The following SPNS2 variants were observed in gnomAD, a reference collection of about 807,000 sequenced individuals.
The protein encoded by SPNS2 is SPNS lysolipid transporter 2, sphingosine-1-phosphate, also known as sphingosine-1-phosphate transporter SPNS2.
Under a neutral mutation model 57.6 loss-of-function variants are expected in SPNS2, and 37 were observed. The observed-to-expected ratio is 0.64, with a 90% CI of 0.49 to 0.85. SPNS2 has a LOEUF of 0.85. Ranked by LOEUF, SPNS2 falls within the 40% of genes least tolerant of loss-of-function variation. SPNS2 has a pLI of 0.00. For missense variants in SPNS2, 831 were observed against 779.1 expected (o/e 1.07, Z -0.79); for synonymous variants, 440 against 346.9 (o/e 1.27, Z -2.98).
At position 4,499,654 on chromosome 17, in the gene SPNS2, A is replaced by C. The variant is rs1201412072; in HGVS notation, c.370+237A>C. ...GGGGCCAAGGGATAGAGGAGTCCCC[A>C]CCCCTGGAGCAGCCCGCGCGTCCTC... On this transcript the variant is annotated intron_variant, in intron 1 of 12. Transcript: ENST00000329078. The surrounding 1 kb of genome is among the most constrained non-coding windows in gnomAD (Gnocchi z 5.2). 1.1e-5 allele frequency: 4 copies of C among 367,094 alleles called. No homozygotes were observed. The highest frequency in any genetic ancestry group is 1.9e-5 in the Non-Finnish European group (4 of 205,880). The allele number at this position is 367,094 out of a possible 1,614,324, so 22.7% of individuals were successfully genotyped here. A position where few individuals can be genotyped will look rare whatever the true frequency, so the allele number is the denominator to read the frequency against.
intron 2 of SPNS2, among the ~76,000 whole-genome samples, chr17:4,515,795 T>TG (rs35545704): frequency 0.45 from 68,558 of 152,094 alleles, 16,941 homozygotes; most frequent in East Asian, 0.85. Context: ...TGCTTATTTG[T>TG]GGCACCAGGG....
chr17:4,531,878 A>C (rs1239370942), intron 5 of SPNS2, among the ~76,000 whole-genome samples: 3 of 152,206 alleles, frequency 2.0e-5, no homozygotes, highest in African/African-American at 7.2e-5. Context: ...AATGGGCTGG[A>C]AACGGGGAAG....
intron 2 of SPNS2, among the ~76,000 whole-genome samples, chr17:4,514,814 G>A (rs1904945463): frequency 6.6e-6 from 1 of 152,222 alleles, no homozygotes; most frequent in Non-Finnish European, 1.5e-5. Context: ...TGGAGTTCCA[G>A]CCACATGGGC....
chr17:4,508,887 GT>G (rs1349034184), intron 1 of SPNS2, among the ~76,000 whole-genome samples: 2 of 152,218 alleles, frequency 1.3e-5, no homozygotes, highest in African/African-American at 4.8e-5. Flanking sequence ...TCCAGGCACT[GT>G]CTCGGGGTCT....
rs1236453406 is a variant in SPNS2, at chr17:4,526,933, G to A, written c.573+1740G>A. ...GCCTGGTGGCCACAGTCAAAAATAA[G>A]GACTGGACCAGAGGCCTCTAGGGCC... On this transcript the variant is annotated intron_variant, in intron 3 of 12. Coordinates refer to ENST00000329078, the MANE Select transcript of SPNS2 (RefSeq NM_001124758.3). Among the ~76,000 whole-genome samples the A allele has an allele frequency of 2.0e-5, 3 of 152,210 alleles. 1 individual carries two copies. The East Asian group carries it at 5.8e-4, about 29-fold the overall frequency.
intron 9 of SPNS2, among the ~76,000 whole-genome samples, chr17:4,534,765 C>G (rs1597370897): frequency 6.6e-6 from 1 of 151,654 alleles, no homozygotes; most frequent in East Asian, 1.9e-4. Flanking sequence ...CAGCACGGAG[C>G]CAGGCGGTGG....
intron 2 of SPNS2, among the ~76,000 whole-genome samples, chr17:4,518,224 G>A (rs567549232): frequency 1.6e-4 from 24 of 152,316 alleles, no homozygotes; most frequent in African/African-American, 5.3e-4. Flanking sequence ...AGGGCAGTCC[G>A]TGTAAAATGT....
chr17:4,503,153 G>T (rs1370002584), intron 1 of SPNS2, among the ~76,000 whole-genome samples: 2 of 152,210 alleles, frequency 1.3e-5, no homozygotes, highest in Non-Finnish European at 2.9e-5. Flanking sequence ...CTTACCCAAG[G>T]TCACACGGGG....
intron 8 of SPNS2, 144 bp from the exon 9 acceptor site, chr17:4,533,644 T>A: frequency 9.3e-7 from 1 of 1,072,494 alleles, no homozygotes; most frequent in Non-Finnish European, 1.4e-6. Context: ...TTGAAGTCTC[T>A]GGATAGCCCA....
intron 2 of SPNS2, among the ~76,000 whole-genome samples, chr17:4,514,575 C>T (rs1055250622): frequency 3.3e-5 from 5 of 152,192 alleles, no homozygotes; most frequent in African/African-American, 1.2e-4. Context: ...TGAGACTTGA[C>T]TGTTCTAGGA....
chr17:4,524,979 C>T, intron 2 of SPNS2, 78 bp from the exon 3 acceptor site: 1 of 1,572,336 alleles, frequency 6.4e-7, no homozygotes, highest in Non-Finnish European at 8.7e-7. Flanking sequence ...GACTCTTGGC[C>T]CCAAGCCGGA....
At position 4,499,604 on chromosome 17, in the gene SPNS2, T is replaced by C. The variant is rs1904402212; in HGVS notation, c.370+187T>C. 4.8e-6 allele frequency: 2 copies of C among 416,796 alleles called. No homozygotes were observed. The highest frequency in any genetic ancestry group is 1.5e-4 in the South Asian group (2 of 13,240). The allele number at this position is 416,796 out of a possible 1,614,324, so 25.8% of individuals were successfully genotyped here. On this transcript the variant is annotated intron_variant, in intron 1 of 12. Transcript: ENST00000329078. The surrounding 1 kb of genome is among the most constrained non-coding windows in gnomAD (Gnocchi z 5.2). ...ATGCCTCCGTGCACCACGGGTACAA[T>C]CCAGCTCCCCGCTCATACACACCCG...
At chr17:4,520,669 G>T (rs1385755627) in intron 2 of SPNS2, among the ~76,000 whole-genome samples, 2 of 152,106 alleles carry the variant, frequency 1.3e-5, no homozygotes, top group Non-Finnish European at 2.9e-5. Flanking sequence ...AACTTTCCCT[G>T]ACCTTGGGAA....
rs1345519238 is a variant in SPNS2 at position 4,537,467 on chromosome 17, A to C, written c.*19A>C. 1 of 454,864 alleles carries C rather than the reference A, an allele frequency of 2.2e-6. No individual in the cohort carries two copies. Among genetic ancestry groups the C allele is most frequent in the South Asian group, 1.6e-5 (1 of 64,506 alleles). 28.2% of individuals were successfully genotyped at this position (454,864 alleles called of 1,614,324 possible). On this transcript the variant is annotated 3_prime_UTR_variant, in exon 13 of 13. Transcript: ENST00000329078. Reference sequence around the variant, plus strand: ...CCTTTCCCCAGGTGCCATTGGGACAATGAAGAACCCACACTCCCACCTCGT... The same window carrying C: ...CCTTTCCCCAGGTGCCATTGGGACACTGAAGAACCCACACTCCCACCTCGT...
At chr17:4,515,452 C>A (rs1904960721) in intron 2 of SPNS2, among the ~76,000 whole-genome samples, 1 of 152,136 alleles carries the variant, frequency 6.6e-6, no homozygotes, top group South Asian at 2.1e-4. Flanking sequence ...ATCTCAGTGT[C>A]CCCAGGGCGG....
chr17:4,530,871 C>G, intron 4 of SPNS2, 88 bp downstream of exon 4: 1 of 1,528,478 alleles, frequency 6.5e-7, no homozygotes, highest in South Asian at 1.2e-5. Context: ...GGGGTTCTAG[C>G]CCAGGCAGGC....
chr17:4,508,515 G>T (rs1904741192), intron 1 of SPNS2, among the ~76,000 whole-genome samples: 1 of 152,224 alleles, frequency 6.6e-6, no homozygotes, highest in African/African-American at 2.4e-5. Context: ...GTCCAGGGAG[G>T]TGAAAAGTCA....
chr17:4,533,920 TGGGGAGGGCGGGTGA>T, intron 9 of SPNS2, 67 bp downstream of exon 9: 1 of 938,036 alleles, frequency 1.1e-6, no homozygotes, highest in Non-Finnish European at 1.7e-6. Context: ...CAGGGGTGCC[TGGGGAGGGCGGGTGA>T]AGGGGCGGGA....
intron 1 of SPNS2, among the ~76,000 whole-genome samples, chr17:4,508,380 C>T (rs1022498229): frequency 1.3e-5 from 2 of 152,188 alleles, no homozygotes; most frequent in African/African-American, 4.8e-5. Context: ...AAGGGTGACT[C>T]TGCAGATTTG....
Sources: allele counts gnomAD v4.1 joint callset (sites outside exome capture counted in the v4.1 genomes callset), GRCh38; gene constraint gnomAD v4.1.1; non-coding constraint Gnocchi (gnomAD v3.1); transcripts MANE v1.5; gene names NCBI Gene and HGNC (gene_info 2026-07-23, HGNC 2026-07-21).